Variants in PIBF1 observed in about 807,000 individuals in gnomAD.
PIBF1 encodes the protein progesterone immunomodulatory binding factor 1.
In PIBF1, 90 loss-of-function variants were observed where a neutral mutation model predicts 112.5. The observed-to-expected ratio is 0.80, with a 90% CI of 0.67 to 0.95. PIBF1 has a LOEUF of 0.95. Ranked by LOEUF, PIBF1 falls within the 40% of genes least tolerant of loss-of-function variation. The probability of loss-of-function intolerance (pLI) is 0.00; values close to 1 mark genes in which losing one functional copy is unlikely to be tolerated. For synonymous variants in PIBF1, 301 were observed against 288.6 expected (o/e 1.04, Z -0.44); for missense variants, 915 against 852.3 (o/e 1.07, Z -0.92).
intron 14 of PIBF1, among the ~76,000 whole-genome samples, chr13:72,945,324 C>T (rs2042120417): frequency 6.6e-6 from 1 of 152,090 alleles, no homozygotes; most frequent in Admixed American, 6.5e-5. Flanking sequence ...TCCATGTCTT[C>T]ATTATTGTAA....
At chr13:72,784,130 G>C (rs1485662433) in intron 2 of PIBF1, among the ~76,000 whole-genome samples, 4 of 152,086 alleles carry the variant, frequency 2.6e-5, no homozygotes, top group African/African-American at 9.7e-5. Flanking sequence ...TAATTAGCTA[G>C]AGTTAACCAT....
chr13:72,834,734 G>A (rs1466602674), intron 8 of PIBF1, among the ~76,000 whole-genome samples: 4 of 152,200 alleles, frequency 2.6e-5, no homozygotes, highest in African/African-American at 9.6e-5. Flanking sequence ...CTAGCCTGTA[G>A]TAGTTTTTCA....
At chr13:73,014,550 A>G (rs943691047) in intron 17 of PIBF1, among the ~76,000 whole-genome samples, 7 of 152,180 alleles carry the variant, frequency 4.6e-5, no homozygotes, top group Non-Finnish European at 8.8e-5. Flanking sequence ...GTGAACCCAA[A>G]TGTAAACTGT....
chr13:72,905,848 ATGT>A (rs2040685097), intron 11 of PIBF1, among the ~76,000 whole-genome samples: 1 of 152,178 alleles, frequency 6.6e-6, no homozygotes, highest in Non-Finnish European at 1.5e-5. Flanking sequence ...TTTCTAAAAA[ATGT>A]TGTGGTTCTA....
intron 16 of PIBF1, among the ~76,000 whole-genome samples, chr13:72,997,109 C>A (rs553208810): frequency 3.0e-4 from 46 of 152,268 alleles, no homozygotes; most frequent in Non-Finnish European, 1.6e-4. Flanking sequence ...CCTTATTTAT[C>A]TGTAGAATAG....
chr13:72,977,250 G>A (rs1297589396), intron 16 of PIBF1, among the ~76,000 whole-genome samples: 1 of 152,090 alleles, frequency 6.6e-6, no homozygotes, highest in African/African-American at 2.4e-5. Flanking sequence ...TGTCACCCAG[G>A]CTGGAGTGCA....
At chr13:72,833,291 C>T (rs2325487) in intron 8 of PIBF1, among the ~76,000 whole-genome samples, 90,765 of 151,952 alleles carry the variant, frequency 0.6, 27,758 homozygotes, top group East Asian at 0.76. Context: ...ACTCATTCAC[C>T]GTCCAGTTTT....
At chr13:72,829,461 T>C (rs1265614503) in intron 8 of PIBF1, among the ~76,000 whole-genome samples, 2 of 152,172 alleles carry the variant, frequency 1.3e-5, no homozygotes, top group African/African-American at 4.8e-5. Context: ...TTGTATAAGG[T>C]ATAAGGAAGG....
At chr13:72,956,576 A>T (rs549759126) in intron 14 of PIBF1, among the ~76,000 whole-genome samples, 3 of 152,282 alleles carry the variant, frequency 2.0e-5, no homozygotes, top group Admixed American at 2.0e-4. Flanking sequence ...GCATGGCATT[A>T]TGGATATTCT....
chr13:72,814,209 G>A (rs1395583488), intron 5 of PIBF1, among the ~76,000 whole-genome samples: 3 of 151,966 alleles, frequency 2.0e-5, no homozygotes, highest in South Asian at 2.1e-4. Context: ...AGGCTGAGGC[G>A]GGTGGATCAC....
Position 72,831,231 on chromosome 13 carries a change from A to AT in PIBF1, c.1097+3323dup, listed in dbSNP as rs1398449393. On this transcript the variant is annotated intron_variant, in intron 8 of 17. Coordinates refer to ENST00000326291, the MANE Select transcript of PIBF1 (RefSeq NM_006346.4). ...AAAAAAACAGCTCCTGGATTCATTG[A>AT]TTTTTTGAAGGGTTTTTTGTGTTTC... Among the ~76,000 whole-genome samples the AT allele has an allele frequency of 1.1e-4, 17 of 150,820 alleles. 1 individual carries two copies. The highest frequency in any genetic ancestry group is 4.2e-4 in the South Asian group (2 of 4,798).
intron 2 of PIBF1, among the ~76,000 whole-genome samples, chr13:72,788,261 G>T (rs1222349812): frequency 6.6e-6 from 1 of 152,074 alleles, no homozygotes; most frequent in Non-Finnish European, 1.5e-5. Context: ...AATATTATAG[G>T]TATTTCTATT....
At chr13:72,871,808 C>G (rs571181851) in intron 10 of PIBF1, among the ~76,000 whole-genome samples, 1 of 152,184 alleles carries the variant, frequency 6.6e-6, no homozygotes, top group South Asian at 2.1e-4. Flanking sequence ...GCAAGCCCAA[C>G]TAATAACATA....
chr13:72,801,247 C>G (rs1052434526), intron 5 of PIBF1, among the ~76,000 whole-genome samples: 1 of 151,880 alleles, frequency 6.6e-6, no homozygotes, highest in Non-Finnish European at 1.5e-5. Flanking sequence ...GACTGTTGAA[C>G]AACATGGGTT....
At chr13:72,790,274 T>C (rs1359852538) in intron 2 of PIBF1, among the ~76,000 whole-genome samples, 1 of 152,188 alleles carries the variant, frequency 6.6e-6, no homozygotes, top group African/African-American at 2.4e-5. Flanking sequence ...CCTAAGTTTT[T>C]GGCTTATTTA....
intron 13 of PIBF1, among the ~76,000 whole-genome samples, chr13:72,924,213 G>A (rs1199399368): frequency 6.6e-6 from 1 of 152,150 alleles, no homozygotes; most frequent in Admixed American, 6.5e-5. Flanking sequence ...TATAGAAGTG[G>A]TGAATTGGTA....
At chr13:72,987,956 G>A (rs1193285290) in intron 16 of PIBF1, among the ~76,000 whole-genome samples, 3 of 138,538 alleles carry the variant, frequency 2.2e-5, no homozygotes, top group Admixed American at 7.8e-5. Context: ...TCCGCCCCCC[G>A]GGTTTATGTG....
chr13:72,868,750 A>G (rs747969934), intron 10 of PIBF1, among the ~76,000 whole-genome samples: 2 of 150,194 alleles, frequency 1.3e-5, no homozygotes, highest in Non-Finnish European at 3.0e-5. Flanking sequence ...TTGGGAGGCC[A>G]TGGTGGGAGG....
At chr13:72,995,593 T>C (rs901154413) in intron 16 of PIBF1, among the ~76,000 whole-genome samples, 50 of 152,126 alleles carry the variant, frequency 3.3e-4, no homozygotes, top group Non-Finnish European at 1.5e-5. Context: ...GGGACAGATG[T>C]TGTATTCATA....
Sources: allele counts gnomAD v4.1 joint callset (sites outside exome capture counted in the v4.1 genomes callset), GRCh38; gene constraint gnomAD v4.1.1; transcripts MANE v1.5; gene names NCBI Gene and HGNC (gene_info 2026-07-23, HGNC 2026-07-21).